ATXN7: variants seen among roughly 807,000 people sequenced by gnomAD.
ATXN7 encodes ataxin-7.
In ATXN7, 12 loss-of-function variants were observed where a neutral mutation model predicts 70.5. That is an observed-to-expected ratio of 0.17 (90% confidence interval 0.11 to 0.28). ATXN7 has a LOEUF of 0.28. ATXN7 is among the 10% of genes least tolerant of loss of function. ATXN7 has a pLI of 1.00. For missense variants in ATXN7, 1,256 were observed against 1,131.7 expected, an observed-to-expected ratio of 1.11 and a Z score of -1.58; for synonymous variants, 498 against 448.7, an observed-to-expected ratio of 1.11 and a Z score of -1.39.
In ATXN7 at chr3:63,868,787, ACTT is replaced by A. The variant is rs573091768; in HGVS notation, c.-111+4630_-111+4632del. The stretch of plus-strand genomic sequence containing the variant: ...TAAAAAACTAAAATACTGCACATGT[ACTT>A]TATAGTCCATCACCCCTAAAAGTGC... On this transcript the variant is annotated intron_variant, in intron 1 of 12. Coordinates refer to ENST00000674280, the MANE Select transcript of ATXN7 (RefSeq NM_001377405.1). Among the ~76,000 whole-genome samples, 604 of 152,320 alleles carry A rather than the reference ACTT, an allele frequency of 4.0e-3. 4 individuals are homozygous for A. Among genetic ancestry groups the A allele is most frequent in the African/African-American group, 0.013 (559 of 41,562 alleles).
In ATXN7 at chr3:64,001,939, C is replaced by A. The variant is rs2075837456; in HGVS notation, c.*2472C>A. On this transcript the variant is annotated 3_prime_UTR_variant, in exon 13 of 13. Transcript: ENST00000674280. ...ACAGACTTTGGTATCAATTTAAAACCAAGATAATTTTTATATTCTTTCCAA... is the reference window on the plus strand; with the variant it reads ...ACAGACTTTGGTATCAATTTAAAACAAAGATAATTTTTATATTCTTTCCAA... 1 of 149,040 alleles carries A rather than the reference C, an allele frequency of 6.7e-6. No individual in the cohort carries two copies. The highest frequency in any genetic ancestry group is 1.5e-5 in the Non-Finnish European group (1 of 67,460). 9.2% of individuals were successfully genotyped at this position (149,040 alleles called of 1,614,324 possible). A position where few individuals can be genotyped will look rare whatever the true frequency, so the allele number is the denominator to read the frequency against.
At chr3:63,998,905 T>A in intron 12 of ATXN7, 1 of 168,234 alleles carries the variant, frequency 5.9e-6, no homozygotes, top group South Asian at 1.9e-4. Flanking sequence ...TGGGACATGC[T>A]GGGAAGCCTA....
At chr3:63,967,924 A>G (rs905159258) in intron 5 of ATXN7, 8 of 1,535,816 alleles carry the variant, frequency 5.2e-6, no homozygotes, top group Admixed American at 2.0e-5. Context: ...GGAAGGTAGC[A>G]AGACGCCTCT....
chr3:63,917,344 C>T (rs537509226), intron 4 of ATXN7, among the ~76,000 whole-genome samples: 1 of 152,248 alleles, frequency 6.6e-6, no homozygotes, highest in South Asian at 2.1e-4. Context: ...TCCGGACTTC[C>T]ACAGATTTTG....
chr3:63,996,833 C>T (rs1008820444), intron 12 of ATXN7, among the ~76,000 whole-genome samples: 3 of 152,146 alleles, frequency 2.0e-5, no homozygotes, highest in African/African-American at 7.2e-5. Context: ...TATCCCAGTG[C>T]TGTGAAGTGT....
intron 1 of ATXN7, among the ~76,000 whole-genome samples, chr3:63,879,121 TCTC>T (rs1284505072): frequency 1.8e-4 from 28 of 152,272 alleles, no homozygotes; most frequent in Admixed American, 1.1e-3. Context: ...ATCATCCTCA[TCTC>T]CTGAAATCCC....
chr3:63,910,188 C>T (rs1429116242), intron 2 of ATXN7, among the ~76,000 whole-genome samples: 2 of 152,180 alleles, frequency 1.3e-5, no homozygotes, highest in Non-Finnish European at 2.9e-5. Context: ...ATTAGTGAAT[C>T]TTGAAGTAGT....
At chr3:63,876,178 C>T (rs1038297884) in intron 1 of ATXN7, among the ~76,000 whole-genome samples, 9 of 152,084 alleles carry the variant, frequency 5.9e-5, no homozygotes, top group Non-Finnish European at 1.3e-4. Flanking sequence ...GAAAAGAATG[C>T]GAGTAAAGTT....
chr3:63,897,267 A>G (rs1404160250), intron 1 of ATXN7, among the ~76,000 whole-genome samples: 1 of 152,228 alleles, frequency 6.6e-6, no homozygotes, highest in African/African-American at 2.4e-5. Context: ...CTGGGAAGGA[A>G]TTAGAAATCT....
At position 64,003,221 on chromosome 3, in the gene ATXN7, T is replaced by TTTTTTTTTG; in HGVS notation, c.*3755_*3763dup. 6.7e-6 allele frequency: 1 copy of TTTTTTTTTG among 149,008 alleles called. No homozygotes were observed. Among genetic ancestry groups the TTTTTTTTTG allele is most frequent in the Admixed American group, 6.7e-5 (1 of 15,002 alleles). 9.2% of individuals were successfully genotyped at this position (149,008 alleles called of 1,614,324 possible). On this transcript the variant is annotated 3_prime_UTR_variant, in exon 13 of 13. Transcript: ENST00000674280. ...AGCATTTTGCTTTTTTTTTTTTTTT[T>TTTTTTTTTG]TTTTTTTTGAGCTTGGTTATAAAAG...
intron 5 of ATXN7, among the ~76,000 whole-genome samples, chr3:63,955,878 AGGACAAGAAAACAT>A (rs2075031055): frequency 6.6e-6 from 1 of 152,238 alleles, no homozygotes; most frequent in African/African-American, 2.4e-5. Flanking sequence ...CACTGCTACC[AGGACAAGAAAACAT>A]GCTACCGTGG....
At chr3:63,903,010 CAT>C (rs1703701528) in intron 2 of ATXN7, among the ~76,000 whole-genome samples, 1 of 151,946 alleles carries the variant, frequency 6.6e-6, no homozygotes. Context: ...CCTTGCTTCT[CAT>C]ATGGTAAATC....
chr3:63,917,984 T>A (rs888903194), intron 4 of ATXN7, among the ~76,000 whole-genome samples: 4 of 152,222 alleles, frequency 2.6e-5, no homozygotes, highest in African/African-American at 9.6e-5. Context: ...CCATTTACAC[T>A]TTCCAGAAAG....
intron 2 of ATXN7, chr3:63,904,793 T>G (rs1703778050): frequency 6.6e-6 from 1 of 152,218 alleles, no homozygotes; most frequent in Non-Finnish European, 1.5e-5. Context: ...GTGTTTAACC[T>G]TTTAAGTAAC....
In ATXN7 at chr3:63,945,878, A is replaced by G. The variant is rs113249773; in HGVS notation, c.395-6501A>G. 3.2e-3 allele frequency among the ~76,000 whole-genome samples: 481 copies of G among 152,332 alleles called. 8 individuals are homozygous for G. Among genetic ancestry groups the G allele is most frequent in the African/African-American group, 0.011 (468 of 41,574 alleles). On this transcript the variant is annotated intron_variant, in intron 4 of 12. Transcript: ENST00000674280. ...GTCTGGGGGAACTGAGTTCCAGGCA[A>G]AAAGAGCAGCAAGTACCACACAGGA... is the stretch of plus-strand genomic sequence containing the variant.
intron 6 of ATXN7, 106 bp downstream of exon 6, chr3:63,980,273 T>G: frequency 1.4e-6 from 2 of 1,420,070 alleles, no homozygotes; most frequent in Non-Finnish European, 1.9e-6. Context: ...AGAGTCTACT[T>G]GGGGAAGAAT....
chr3:63,912,068 G>C (rs1231331195), intron 2 of ATXN7: 1 of 152,230 alleles, frequency 6.6e-6, no homozygotes. Flanking sequence ...AGGAGGCGGC[G>C]GGAGGCGTCT....
intron 5 of ATXN7, among the ~76,000 whole-genome samples, chr3:63,958,787 T>G (rs2075077162): frequency 6.6e-6 from 1 of 152,240 alleles, no homozygotes; most frequent in African/African-American, 2.4e-5. Context: ...AACAATCCAC[T>G]GAATAGATTT....
intron 1 of ATXN7, among the ~76,000 whole-genome samples, chr3:63,868,471 C>A (rs1702500016): frequency 6.6e-6 from 1 of 152,160 alleles, no homozygotes; most frequent in African/African-American, 2.4e-5. Context: ...TCTGAGGAAA[C>A]ATGTATATTC....
Sources: gnomAD v4.1 joint callset for allele counts (sites outside exome capture counted in the v4.1 genomes callset) on GRCh38, gnomAD v4.1.1 for gene constraint, MANE v1.5 for transcripts, NCBI Gene and HGNC (gene_info 2026-07-23, HGNC 2026-07-21) for gene names.